SLC49A4: variants seen among roughly 807,000 people sequenced by gnomAD.
SLC49A4 encodes the protein solute carrier family 49 member 4.
SLC49A4 carries 36 observed loss-of-function variants against 50.6 expected under a neutral mutation model. That is an observed-to-expected ratio of 0.71 (90% CI 0.55 to 0.94). SLC49A4 has a LOEUF of 0.94. Ranked by LOEUF, SLC49A4 falls within the 40% of genes least tolerant of loss-of-function variation. The pLI is 0.00. For synonymous variants in SLC49A4, 248 were observed against 241.2 expected (o/e 1.03, Z -0.26); for missense variants, 503 against 605.7 (o/e 0.83, Z 1.78).
intron 8 of SLC49A4, among the ~76,000 whole-genome samples, chr3:122,875,796 T>C (rs1937259728): frequency 6.6e-6 from 1 of 152,208 alleles, no homozygotes; most frequent in South Asian, 2.1e-4. Context: ...TTCAGGGCTA[T>C]ACAGACTAAC....
chr3:122,827,028 G>T lies in SLC49A4; in HGVS notation c.666G>T (p.Ala222=). 7 of 1,613,776 alleles carry T rather than the reference G, an allele frequency of 4.3e-6. No individual in the cohort carries two copies. The highest frequency in any genetic ancestry group is 2.2e-5 in the South Asian group (2 of 91,080). The part of the protein sequence containing the change: ...SPLLAAESSR[A]HIKDRIEAVL... ...TTCTTGCTGCAGAGAGCAGCAGGGCGCATATTAAAGATCGCATAGAGGCTG... is the reference window on the plus strand; with the variant it reads ...TTCTTGCTGCAGAGAGCAGCAGGGCTCATATTAAAGATCGCATAGAGGCTG... Residue 222 remains alanine (A), a synonymous_variant, in exon 3 of 9, where the codon GCG becomes GCT. Transcript: ENST00000261038.
intron 4 of SLC49A4, among the ~76,000 whole-genome samples, chr3:122,845,363 C>A (rs1251923948): frequency 3.9e-5 from 6 of 152,074 alleles, no homozygotes; most frequent in Non-Finnish European, 7.4e-5. Flanking sequence ...ATCCAGTCTA[C>A]CATTTATGGC....
chr3:122,814,947 C>G (rs1936344383), intron 2 of SLC49A4, among the ~76,000 whole-genome samples: 1 of 152,158 alleles, frequency 6.6e-6, no homozygotes, highest in Non-Finnish European at 1.5e-5. Context: ...GGGAAGTAGG[C>G]AGCTTTGTTC....
chr3:122,872,578 T>C lies in SLC49A4; in HGVS notation c.1302T>C (p.Phe434=), dbSNP rs746945622. ...TGTTTATGGGAGTACTTTTATTTTT[T>C]CTCACATTTTATCATACAGGTAAGA... The part of the protein sequence containing the change: ...SNMFMGVLLF[F]LTFYHTELSW... The change falls in exon 8 of 9, where the codon TTT becomes TTC. Residue 434 remains phenylalanine (F), a synonymous_variant. Transcript: ENST00000261038. The C allele has an allele frequency of 1.9e-6, 3 of 1,585,350 alleles. No individual in the cohort carries two copies. Among genetic ancestry groups the C allele is most frequent in the East Asian group, 2.2e-5 (1 of 44,734 alleles).
intron 2 of SLC49A4, among the ~76,000 whole-genome samples, chr3:122,809,612 C>G (rs910066661): frequency 2.0e-5 from 3 of 152,122 alleles, no homozygotes; most frequent in Admixed American, 6.6e-5. Context: ...GCCATCCATA[C>G]TATTACTTGC....
chr3:122,869,646 C>T (rs1937169290), intron 7 of SLC49A4, among the ~76,000 whole-genome samples: 1 of 152,182 alleles, frequency 6.6e-6, no homozygotes, highest in Admixed American at 6.5e-5. Flanking sequence ...CCAAATTACT[C>T]ACCAGAAGAT....
chr3:122,866,749 G>A (rs892495178), intron 7 of SLC49A4, among the ~76,000 whole-genome samples: 3 of 150,072 alleles, frequency 2.0e-5, no homozygotes, highest in African/African-American at 4.9e-5. Context: ...ATTCCTCATC[G>A]GATGTGGATT....
chr3:122,879,485 C>A lies in SLC49A4; in HGVS notation c.*107C>A. On this transcript the variant is annotated 3_prime_UTR_variant, in exon 9 of 9. Transcript: ENST00000261038. ...CAGGAAAAGAGGGAGAAGAAAGAAA[C>A]TTCATTCAGAGGTTTTGTTAGGTTA... 1 of 808,812 alleles carries A rather than the reference C, an allele frequency of 1.2e-6. No homozygotes were observed. 50.1% of individuals were successfully genotyped at this position (808,812 alleles called of 1,614,324 possible).
rs72968350 is a variant in SLC49A4, at chr3:122,850,177, C to T, written c.942+4306C>T. On this transcript the variant is annotated intron_variant, in intron 5 of 8. Transcript: ENST00000261038. ...TCGTCTATTTCAGAAAAATCGGATC[C>T]GTCAAATAAATCTCTAGCCAACGAC... 8.6e-3 allele frequency among the ~76,000 whole-genome samples: 1,305 copies of T among 152,116 alleles called. 16 individuals are homozygous for T. Among genetic ancestry groups the T allele is most frequent in the African/African-American group, 0.029 (1,204 of 41,438 alleles).
At chr3:122,799,612 C>T (rs538544679) in intron 1 of SLC49A4, among the ~76,000 whole-genome samples, 7 of 152,230 alleles carry the variant, frequency 4.6e-5, no homozygotes, top group East Asian at 1.9e-4. Context: ...ACTCCATTGA[C>T]GGGCTTTAAG....
chr3:122,860,222 G>T lies in SLC49A4; in HGVS notation c.1138+20G>T, dbSNP rs1937044376. On this transcript the variant is annotated intron_variant, in intron 7 of 8. Coordinates refer to ENST00000261038, the MANE Select transcript of SLC49A4 (RefSeq NM_032839.3). ...CCACAGGTGAGCATAGGCTATTTTT[G>T]AACTTTTAATAAATATTTTCATTCA... 2 of 1,560,416 alleles carry T rather than the reference G, an allele frequency of 1.3e-6. No homozygotes were observed. Among genetic ancestry groups the T allele is most frequent in the Non-Finnish European group, 8.6e-7 (1 of 1,156,836 alleles).
At chr3:122,839,608 C>A (rs1936739937) in intron 4 of SLC49A4, among the ~76,000 whole-genome samples, 1 of 151,970 alleles carries the variant, frequency 6.6e-6, no homozygotes, top group African/African-American at 2.4e-5. Flanking sequence ...CAGAAGAAGA[C>A]ATACAAACAC....
At chr3:122,852,488 T>C (rs1936938769) in intron 5 of SLC49A4, among the ~76,000 whole-genome samples, 1 of 152,226 alleles carries the variant, frequency 6.6e-6, no homozygotes, top group South Asian at 2.1e-4. Context: ...TTTGATTGAG[T>C]GCTAGACATA....
intron 4 of SLC49A4, among the ~76,000 whole-genome samples, chr3:122,838,677 G>A (rs983501478): frequency 1.3e-5 from 2 of 151,676 alleles, no homozygotes; most frequent in Non-Finnish European, 2.9e-5. Context: ...TGCAGATTGT[G>A]CACATGTACC....
At chr3:122,838,269 T>C (rs1226228144) in intron 4 of SLC49A4, among the ~76,000 whole-genome samples, 5 of 152,102 alleles carry the variant, frequency 3.3e-5, no homozygotes, top group Non-Finnish European at 7.4e-5. Context: ...ATGTTTATGG[T>C]GGCAATATTC....
intron 5 of SLC49A4, among the ~76,000 whole-genome samples, chr3:122,855,354 A>G (rs1248805298): frequency 6.6e-6 from 1 of 152,228 alleles, no homozygotes; most frequent in Non-Finnish European, 1.5e-5. Context: ...AAAAGCAAGC[A>G]TGGTGGTCAT....
chr3:122,851,279 G>C (rs1272326323), intron 5 of SLC49A4, among the ~76,000 whole-genome samples: 2 of 151,990 alleles, frequency 1.3e-5, no homozygotes, highest in African/African-American at 2.4e-5. Context: ...TCTATCTAAA[G>C]AGCACCCATT....
chr3:122,811,242 A>G (rs1201740298), intron 2 of SLC49A4, among the ~76,000 whole-genome samples: 1 of 152,252 alleles, frequency 6.6e-6, no homozygotes, highest in African/African-American at 2.4e-5. Context: ...GGTAATGGAT[A>G]TGAGCAAGCA....
chr3:122,839,737 A>G (rs1250899983), intron 4 of SLC49A4, among the ~76,000 whole-genome samples: 1 of 152,200 alleles, frequency 6.6e-6, no homozygotes, highest in African/African-American at 2.4e-5. Flanking sequence ...GTCAAAAAAC[A>G]ATAGATGTTG....
Sources: allele counts gnomAD v4.1 joint callset (sites outside exome capture counted in the v4.1 genomes callset), GRCh38; gene constraint gnomAD v4.1.1; transcripts MANE v1.5; gene names NCBI Gene and HGNC (gene_info 2026-07-23, HGNC 2026-07-21).